Variants in AP3S1 observed in about 807,000 individuals in gnomAD.
AP3S1 encodes the protein adaptor related protein complex 3 subunit sigma 1, also known as AP-3 complex subunit sigma-1.
A neutral mutation model predicts 21.3 loss-of-function variants in AP3S1; 12 were observed. The ratio of observed to expected loss-of-function variants is 0.56; its 90% CI spans 0.36 to 0.91. The LOEUF is 0.91. Ranked by LOEUF, AP3S1 falls within the 40% of genes least tolerant of loss-of-function variation. The pLI, the probability that AP3S1 is intolerant of heterozygous loss-of-function variation, is 0.01. For missense variants in AP3S1, 116 were observed against 225.0 expected (o/e 0.52, Z 3.10); for synonymous variants, 48 against 78.4 (o/e 0.61, Z 2.05).
intron 1 of AP3S1, among the ~76,000 whole-genome samples, chr5:115,862,669 C>T (rs558746904): frequency 6.6e-6 from 1 of 152,310 alleles, no homozygotes; most frequent in South Asian, 2.1e-4. Flanking sequence ...CTGTGTGATG[C>T]TAATCATCTC....
At chr5:115,863,017 C>G (rs1235734688) in intron 1 of AP3S1, among the ~76,000 whole-genome samples, 1 of 152,130 alleles carries the variant, frequency 6.6e-6, no homozygotes, top group African/African-American at 2.4e-5. Context: ...AATCCCAGCA[C>G]TTTGGGAGGC....
At chr5:115,912,653 G>C (rs1341537410) in intron 5 of AP3S1, among the ~76,000 whole-genome samples, 4 of 151,952 alleles carry the variant, frequency 2.6e-5, no homozygotes, top group Non-Finnish European at 4.4e-5. Context: ...ATATGTTGCT[G>C]AATCTATGCT....
chr5:115,902,277 C>T (rs886634075), intron 4 of AP3S1, among the ~76,000 whole-genome samples: 1 of 152,124 alleles, frequency 6.6e-6, no homozygotes, highest in African/African-American at 2.4e-5. Flanking sequence ...TATATTTTTA[C>T]TCCCCAATGG....
rs1213132918 is a variant in AP3S1, at chr5:115,870,047, T to A, written c.192T>A (p.Ile64=). ...TTGGAGGATCTGACAACAAACTGATTTATAGACATTATGCAACGTTATATT... is the reference window on the plus strand; with the variant it reads ...TTGGAGGATCTGACAACAAACTGATATATAGACATTATGCAACGTTATATT... The part of the protein sequence containing the change: ...LLIGGSDNKL[I]YRHYATLYFV... The change falls in exon 3 of 6, where the codon ATT becomes ATA. Residue 64 remains isoleucine, a synonymous_variant. Transcript: ENST00000316788. The A allele has an allele frequency of 1.3e-5, 21 of 1,607,484 alleles. No individual in the cohort carries two copies. Among genetic ancestry groups the A allele is most frequent in the Non-Finnish European group, 1.7e-5 (20 of 1,178,238 alleles).
intron 4 of AP3S1, among the ~76,000 whole-genome samples, chr5:115,900,170 T>C (rs1751088230): frequency 6.6e-6 from 1 of 152,190 alleles, no homozygotes; most frequent in Admixed American, 6.5e-5. Context: ...GCACAGTTTA[T>C]ATAGGAAAGG....
At chr5:115,903,137 C>A in intron 5 of AP3S1, 145 bp downstream of exon 5, 1 of 587,430 alleles carries the variant, frequency 1.7e-6, no homozygotes, top group Non-Finnish European at 3.0e-6. Context: ...ATGGAATATA[C>A]ACGTAGTATG....
intron 1 of AP3S1, among the ~76,000 whole-genome samples, chr5:115,857,686 C>T (rs930429145): frequency 6.6e-6 from 1 of 152,098 alleles, no homozygotes; most frequent in Non-Finnish European, 1.5e-5. Flanking sequence ...AAATAATGTA[C>T]TTGTTTTACT....
At chr5:115,884,953 C>T (rs1411249324) in intron 3 of AP3S1, among the ~76,000 whole-genome samples, 1 of 152,152 alleles carries the variant, frequency 6.6e-6, no homozygotes, top group Non-Finnish European at 1.5e-5. Context: ...AATGGTTGAT[C>T]TCAGAGTTCT....
chr5:115,854,813 A>G (rs1762681480), intron 1 of AP3S1, among the ~76,000 whole-genome samples: 1 of 151,378 alleles, frequency 6.6e-6, no homozygotes, highest in East Asian at 1.9e-4. Context: ...TTTGAATTCT[A>G]CCTATTCTTT....
intron 5 of AP3S1, chr5:115,903,280 T>G (rs1751373838): frequency 5.4e-6 from 1 of 184,122 alleles, no homozygotes; most frequent in African/African-American, 2.4e-5. Context: ...TAATGGAATC[T>G]AATATTTGCT....
intron 3 of AP3S1, among the ~76,000 whole-genome samples, chr5:115,879,021 T>A (rs972288235): frequency 1.1e-4 from 16 of 152,230 alleles, no homozygotes; most frequent in Admixed American, 8.5e-4. Flanking sequence ...TGTATAGGAA[T>A]GCTTGTGACT....
At chr5:115,873,516 C>G (rs904101488) in intron 3 of AP3S1, among the ~76,000 whole-genome samples, 7 of 152,118 alleles carry the variant, frequency 4.6e-5, no homozygotes, top group African/African-American at 1.7e-4. Flanking sequence ...CTTATAGGTA[C>G]TATGTCTGTC....
chr5:115,910,140 A>C (rs910479033), intron 5 of AP3S1, among the ~76,000 whole-genome samples: 2 of 151,940 alleles, frequency 1.3e-5, no homozygotes, highest in Non-Finnish European at 2.9e-5. Flanking sequence ...GGTGGGACAC[A>C]CCTGTAGTTC....
chr5:115,901,140 A>C (rs374694227), intron 4 of AP3S1, among the ~76,000 whole-genome samples: 2 of 152,058 alleles, frequency 1.3e-5, no homozygotes, highest in South Asian at 2.1e-4. Flanking sequence ...TCCTTCCTCT[A>C]ACTTTCAATT....
chr5:115,858,196 C>A (rs1762927486), intron 1 of AP3S1, among the ~76,000 whole-genome samples: 1 of 152,088 alleles, frequency 6.6e-6, no homozygotes. Context: ...GCCAGTAATA[C>A]CCTCCAGCAA....
At position 115,913,551 on chromosome 5, in the gene AP3S1, G is replaced by A. The variant is rs1430026839; in HGVS notation, c.*61G>A. The A allele has an allele frequency of 6.3e-6, 10 of 1,580,672 alleles. No individual in the cohort carries two copies. Among genetic ancestry groups the A allele is most frequent in the South Asian group, 5.9e-5 (5 of 84,482 alleles). ...GGGAAGAGTCATCTAAGTTTACCAT[G>A]CAGTTGTTTACCAAAAATAGAGGAG... is the stretch of plus-strand genomic sequence containing the variant. On this transcript the variant is annotated 3_prime_UTR_variant, in exon 6 of 6. Coordinates refer to ENST00000316788, the MANE Select transcript of AP3S1 (RefSeq NM_001284.4).
intron 1 of AP3S1, among the ~76,000 whole-genome samples, chr5:115,847,785 A>G (rs1762167925): frequency 6.6e-6 from 1 of 152,190 alleles, no homozygotes; most frequent in Non-Finnish European, 1.5e-5. Context: ...AGCTTTTAAT[A>G]TATATTAGTT....
chr5:115,857,448 G>C (rs1161071830), intron 1 of AP3S1, among the ~76,000 whole-genome samples: 1 of 152,192 alleles, frequency 6.6e-6, no homozygotes, highest in South Asian at 2.1e-4. Context: ...CTTGCTCAAA[G>C]TCACAGAGTT....
At chr5:115,883,469 C>T (rs1036752821) in intron 3 of AP3S1, among the ~76,000 whole-genome samples, 1 of 152,338 alleles carries the variant, frequency 6.6e-6, no homozygotes, top group Non-Finnish European at 1.5e-5. Flanking sequence ...AGTTCCTCAA[C>T]CCCTTACGCT....
Sources: allele counts gnomAD v4.1 joint callset (sites outside exome capture counted in the v4.1 genomes callset), GRCh38; gene constraint gnomAD v4.1.1; transcripts MANE v1.5; gene names NCBI Gene and HGNC (gene_info 2026-07-23, HGNC 2026-07-21).